NARS2: variants seen among roughly 807,000 people sequenced by gnomAD.
NARS2 encodes the protein asparaginyl-tRNA synthetase 2, mitochondrial.
In NARS2, 60 loss-of-function variants were observed where a neutral mutation model predicts 62.9. The observed-to-expected ratio is 0.95, with a 90% CI of 0.77 to 1.18. NARS2 has a LOEUF of 1.18. Ranked by LOEUF, NARS2 falls within the 50% of genes most tolerant of loss-of-function variation. The pLI is 0.00. For synonymous variants in NARS2, 196 were observed against 200.0 expected (o/e 0.98, Z 0.17); for missense variants, 619 against 576.4 (o/e 1.07, Z -0.76).
At chr11:78,501,417 CCT>C (rs1860278425) in intron 6 of NARS2, among the ~76,000 whole-genome samples, 1 of 152,150 alleles carries the variant, frequency 6.6e-6, no homozygotes, top group African/African-American at 2.4e-5. Flanking sequence ...CAAGGATTCC[CCT>C]GAGAGGATGT....
intron 7 of NARS2, among the ~76,000 whole-genome samples, chr11:78,482,280 C>T (rs1251496548): frequency 6.6e-6 from 1 of 152,016 alleles, no homozygotes; most frequent in Non-Finnish European, 1.5e-5. Flanking sequence ...ACTAAATGCC[C>T]ACATCAGAAA....
At chr11:78,556,514 A>G (rs1474754246) in intron 5 of NARS2, among the ~76,000 whole-genome samples, 1 of 152,228 alleles carries the variant, frequency 6.6e-6, no homozygotes, top group Non-Finnish European at 1.5e-5. Flanking sequence ...TTTAGCCAGC[A>G]TAAGGAAGTC....
At chr11:78,556,515 T>C (rs745664906) in intron 5 of NARS2, among the ~76,000 whole-genome samples, 1 of 152,212 alleles carries the variant, frequency 6.6e-6, no homozygotes, top group Non-Finnish European at 1.5e-5. Flanking sequence ...TTAGCCAGCA[T>C]AAGGAAGTCC....
At chr11:78,499,256 A>G (rs115567279) in intron 6 of NARS2, among the ~76,000 whole-genome samples, 2,470 of 152,210 alleles carry the variant, frequency 0.016, 58 homozygotes, top group African/African-American at 0.056. Context: ...ATACTAGTCA[A>G]TATTTGTCAA....
intron 11 of NARS2, among the ~76,000 whole-genome samples, chr11:78,450,563 C>A (rs1217735229): frequency 6.6e-6 from 1 of 151,798 alleles, no homozygotes; most frequent in Non-Finnish European, 1.5e-5. Context: ...TTGAGCAAAG[C>A]ATTCCTTTAC....
intron 3 of NARS2, 103 bp from the exon 4 acceptor site, chr11:78,566,375 G>T: frequency 1.1e-6 from 1 of 873,054 alleles, no homozygotes; most frequent in Non-Finnish European, 1.6e-6. Context: ...ACCAAACTAA[G>T]ATCCTTTCCT....
intron 6 of NARS2, among the ~76,000 whole-genome samples, chr11:78,515,220 C>T (rs1056053352): frequency 6.6e-6 from 1 of 152,052 alleles, no homozygotes; most frequent in African/African-American, 2.4e-5. Flanking sequence ...TGCTCCCCCA[C>T]CCACCCATCA....
chr11:78,532,317 T>C (rs1204048158), intron 5 of NARS2, among the ~76,000 whole-genome samples: 1 of 152,124 alleles, frequency 6.6e-6, no homozygotes, highest in Admixed American at 6.5e-5. Flanking sequence ...TAAAGGAAGA[T>C]ATAGGCAAAG....
intron 12 of NARS2, among the ~76,000 whole-genome samples, chr11:78,441,786 CAG>C (rs1265874207): frequency 6.6e-6 from 1 of 151,708 alleles, no homozygotes; most frequent in African/African-American, 2.4e-5. Flanking sequence ...ACAAGGGACA[CAG>C]AGATATAACT....
At chr11:78,442,275 A>C (rs1015493188) in intron 12 of NARS2, among the ~76,000 whole-genome samples, 1 of 152,226 alleles carries the variant, frequency 6.6e-6, no homozygotes, top group Non-Finnish European at 1.5e-5. Context: ...TCTGACCTTC[A>C]ATTCCACAAC....
At chr11:78,483,196 A>C (rs558851863) in intron 7 of NARS2, among the ~76,000 whole-genome samples, 1 of 152,322 alleles carries the variant, frequency 6.6e-6, no homozygotes, top group South Asian at 2.1e-4. Flanking sequence ...ACAGCCCTTC[A>C]TGCTGAAAAC....
At chr11:78,558,409 G>A (rs1856441134) in intron 5 of NARS2, 1 of 152,128 alleles carries the variant, frequency 6.6e-6, no homozygotes, top group Non-Finnish European at 1.5e-5. Flanking sequence ...CCATTATTAA[G>A]AGTCAAAAAG....
chr11:78,469,336 C>G (rs1325125782), intron 9 of NARS2, 23 bp from the exon 10 acceptor site: 1 of 1,592,220 alleles, frequency 6.3e-7, no homozygotes, highest in South Asian at 1.1e-5. Context: ...AGGATACAAG[C>G]AGAGAAAAGT....
chr11:78,462,538 G>C (rs11237510), intron 11 of NARS2, among the ~76,000 whole-genome samples: 4 of 151,994 alleles, frequency 2.6e-5, no homozygotes, highest in African/African-American at 9.7e-5. Flanking sequence ...TTATAAAACA[G>C]TCTGCAGTCT....
At chr11:78,518,396 C>T (rs942687184) in intron 6 of NARS2, among the ~76,000 whole-genome samples, 4 of 152,188 alleles carry the variant, frequency 2.6e-5, no homozygotes, top group African/African-American at 9.7e-5. Context: ...TTCAGTTTAA[C>T]TACTACTTGC....
intron 5 of NARS2, among the ~76,000 whole-genome samples, chr11:78,532,661 A>G (rs564662102): frequency 6.6e-6 from 1 of 152,286 alleles, no homozygotes; most frequent in Admixed American, 6.5e-5. Context: ...TGCCCTGTAA[A>G]ACGTTGTGAA....
At chr11:78,481,625 T>C (rs553029602) in intron 7 of NARS2, among the ~76,000 whole-genome samples, 27 of 152,216 alleles carry the variant, frequency 1.8e-4, no homozygotes, top group Non-Finnish European at 2.9e-4. Context: ...CACAAATAAG[T>C]TGAAAAAAAC....
At chr11:78,541,027 C>T (rs1473943786) in intron 5 of NARS2, among the ~76,000 whole-genome samples, 4 of 152,012 alleles carry the variant, frequency 2.6e-5, no homozygotes, top group Non-Finnish European at 4.4e-5. Flanking sequence ...GGCGTGGTGG[C>T]GCACGCCTGT....
At chr11:78,519,520 A>G (rs1472661845) in intron 6 of NARS2, among the ~76,000 whole-genome samples, 2 of 152,200 alleles carry the variant, frequency 1.3e-5, no homozygotes, top group Non-Finnish European at 2.9e-5. Flanking sequence ...AAATATATGT[A>G]TACAGTTAAA....
Sources: allele counts gnomAD v4.1 joint callset (sites outside exome capture counted in the v4.1 genomes callset), GRCh38; gene constraint gnomAD v4.1.1; transcripts MANE v1.5; gene names NCBI Gene and HGNC (gene_info 2026-07-23, HGNC 2026-07-21).